Variants in SPATA6 observed in about 807,000 individuals in gnomAD.
SPATA6 encodes spermatogenesis associated 6, also known as spermatogenesis-associated protein 6.
Under a neutral mutation model 65.3 loss-of-function variants are expected in SPATA6, and 56 were observed. The observed-to-expected ratio is 0.86, with a 90% CI of 0.69 to 1.07. SPATA6 has a LOEUF of 1.07. Among genes scored for constraint, SPATA6 ranks in the 50% least tolerant of loss-of-function variants. SPATA6 has a pLI of 0.00. For synonymous variants in SPATA6, 199 were observed against 213.2 expected (o/e 0.93, Z 0.58); for missense variants, 590 against 594.8 (o/e 0.99, Z 0.08).
chr1:48,306,259 T>C (rs1260330716), intron 11 of SPATA6, among the ~76,000 whole-genome samples: 1 of 151,956 alleles, frequency 6.6e-6, no homozygotes, highest in African/African-American at 2.4e-5. Context: ...GAGAAAATTA[T>C]GTAGATACAA....
intron 3 of SPATA6, chr1:48,437,243 G>C: frequency 6.2e-7 from 1 of 1,611,732 alleles, no homozygotes; most frequent in Non-Finnish European, 8.5e-7. Context: ...ATCATTTCAT[G>C]TCCTATATAC....
intron 3 of SPATA6, among the ~76,000 whole-genome samples, chr1:48,440,824 C>T (rs1655393146): frequency 2.0e-5 from 3 of 152,170 alleles, no homozygotes; most frequent in Admixed American, 2.0e-4. Flanking sequence ...GCCCTGGGCT[C>T]TGAACAAAAT....
chr1:48,426,135 C>T (rs1653813462), intron 3 of SPATA6, among the ~76,000 whole-genome samples: 1 of 152,010 alleles, frequency 6.6e-6, no homozygotes, highest in South Asian at 2.1e-4. Context: ...TTAATAAGAA[C>T]AGAACAAACA....
At chr1:48,349,314 T>G (rs1353500941) in intron 11 of SPATA6, among the ~76,000 whole-genome samples, 2 of 152,012 alleles carry the variant, frequency 1.3e-5, no homozygotes, top group Non-Finnish European at 2.9e-5. Flanking sequence ...ACAGAAAAAG[T>G]TGGCTGACCA....
intron 3 of SPATA6, among the ~76,000 whole-genome samples, chr1:48,445,298 A>T (rs1160646742): frequency 6.6e-6 from 1 of 152,212 alleles, no homozygotes. Flanking sequence ...TTGTAGGAAC[A>T]TCTATGAGGT....
intron 3 of SPATA6, among the ~76,000 whole-genome samples, chr1:48,440,177 C>T (rs1250272076): frequency 1.3e-5 from 2 of 152,052 alleles, no homozygotes; most frequent in East Asian, 1.9e-4. Flanking sequence ...CTCTGGCTAT[C>T]GGTTATGTCC....
At chr1:48,424,124 C>T (rs1653618707) in intron 3 of SPATA6, among the ~76,000 whole-genome samples, 1 of 151,994 alleles carries the variant, frequency 6.6e-6, no homozygotes, top group African/African-American at 2.4e-5. Context: ...ACCCATTAAC[C>T]ATTCCCACCT....
intron 11 of SPATA6, among the ~76,000 whole-genome samples, chr1:48,340,252 A>T (rs1428966817): frequency 1.5e-5 from 1 of 64,596 alleles, no homozygotes; most frequent in Non-Finnish European, 5.9e-5. Flanking sequence ...AAAAAAAAAA[A>T]AAAAAAAAAA....
chr1:48,318,840 A>G (rs1645515831), intron 11 of SPATA6, among the ~76,000 whole-genome samples: 1 of 152,192 alleles, frequency 6.6e-6, no homozygotes, highest in South Asian at 2.1e-4. Context: ...AAAAGGTGGA[A>G]GACTAACAAT....
chr1:48,457,947 A>G (rs754006080), intron 1 of SPATA6, among the ~76,000 whole-genome samples: 1 of 152,074 alleles, frequency 6.6e-6, no homozygotes, highest in Non-Finnish European at 1.5e-5. Flanking sequence ...TTATATTTAT[A>G]AAAATGTAAT....
intron 11 of SPATA6, among the ~76,000 whole-genome samples, chr1:48,328,203 C>A (rs961133247): frequency 1.3e-5 from 2 of 152,040 alleles, no homozygotes; most frequent in Non-Finnish European, 2.9e-5. Flanking sequence ...TAAAAAAGTT[C>A]AGCAAGGATG....
At chr1:48,337,748 T>C (rs1646099398) in intron 11 of SPATA6, among the ~76,000 whole-genome samples, 1 of 151,902 alleles carries the variant, frequency 6.6e-6, no homozygotes, top group Non-Finnish European at 1.5e-5. Flanking sequence ...AGCATAAAAA[T>C]ATCAAACATC....
At chr1:48,457,709 C>A (rs1012945514) in intron 1 of SPATA6, among the ~76,000 whole-genome samples, 3 of 152,100 alleles carry the variant, frequency 2.0e-5, no homozygotes, top group Admixed American at 2.0e-4. Context: ...AATGAGATAG[C>A]TCATCACTAG....
chr1:48,457,497 C>T (rs1207970992), intron 1 of SPATA6, among the ~76,000 whole-genome samples: 1 of 152,132 alleles, frequency 6.6e-6, no homozygotes, highest in African/African-American at 2.4e-5. Flanking sequence ...ATCTTGAAAA[C>T]AGCAAGATAG....
intron 9 of SPATA6, among the ~76,000 whole-genome samples, chr1:48,381,977 C>T (rs1436152963): frequency 5.9e-5 from 6 of 101,848 alleles, no homozygotes; most frequent in Admixed American, 1.0e-4. Flanking sequence ...ATCCATTTAA[C>T]CCTGAGTGGA....
At position 48,321,866 on chromosome 1, in the gene SPATA6, A is replaced by G. The variant is rs865836801; in HGVS notation, c.1195-15988T>C. Among the ~76,000 whole-genome samples the G allele has an allele frequency of 9.2e-5, 14 of 152,304 alleles. 1 individual carries two copies. The highest frequency in any genetic ancestry group is 3.4e-3 in the Middle Eastern group (1 of 294). On this transcript the variant is annotated intron_variant, in intron 11 of 12. Transcript: ENST00000371847. Reference sequence around the variant, plus strand: ...ATCAATAACAAGAGAAATTTTGGACACTACACCAACAGATGGAAATTAAAC... The same window carrying G: ...ATCAATAACAAGAGAAATTTTGGACGCTACACCAACAGATGGAAATTAAAC...
Position 48,451,549 on chromosome 1 carries a change from T to C in SPATA6, c.238+3A>G, listed in dbSNP as rs763233715. 6.2e-7 allele frequency: 1 copy of C among 1,606,392 alleles called. No individual in the cohort carries two copies. The highest frequency in any genetic ancestry group is 8.5e-7 in the Non-Finnish European group (1 of 1,177,078). ...TCAGGAATTAAAAAGTTAAAAAACT[T>C]ACATTCAAGCTGTGTAACCACATCT... On this transcript the variant is annotated splice_donor_region_variant and intron_variant, in intron 3 of 12. Coordinates refer to ENST00000371847, the MANE Select transcript of SPATA6 (RefSeq NM_019073.4).
intron 9 of SPATA6, among the ~76,000 whole-genome samples, chr1:48,366,769 G>A (rs1161820118): frequency 6.6e-6 from 1 of 151,970 alleles, no homozygotes; most frequent in Non-Finnish European, 1.5e-5. Context: ...TTGATTTTTT[G>A]AAGGGTTTTT....
downstream of SPATA6, among the ~76,000 whole-genome samples, chr1:48,294,140 A>G (rs1331273544): frequency 6.6e-6 from 1 of 152,212 alleles, no homozygotes. Flanking sequence ...GCAGTGGCAC[A>G]GTCTTGGCTC....
Sources: gnomAD v4.1 joint callset for allele counts (sites outside exome capture counted in the v4.1 genomes callset) on GRCh38, gnomAD v4.1.1 for gene constraint, MANE v1.5 for transcripts, NCBI Gene and HGNC (gene_info 2026-07-23, HGNC 2026-07-21) for gene names.